Variants in ZNF536 observed in about 807,000 individuals in gnomAD.
ZNF536 encodes zinc finger protein 536.
Under a neutral mutation model 84.5 loss-of-function variants are expected in ZNF536, and 13 were observed. That is an observed-to-expected ratio of 0.15 (90% CI 0.10 to 0.24). ZNF536 has a LOEUF of 0.24. ZNF536 is among the 10% of genes least tolerant of loss of function. ZNF536 has a pLI of 1.00. For synonymous variants in ZNF536, 811 were observed against 742.5 expected (o/e 1.09, Z -1.50); for missense variants, 1,536 against 1,747.5 (o/e 0.88, Z 2.16).
chr19:30,612,942 C>A (rs1263715976), intron 1 of ZNF536, among the ~76,000 whole-genome samples: 1 of 152,218 alleles, frequency 6.6e-6, no homozygotes, highest in Non-Finnish European at 1.5e-5. Context: ...CCTCCTCCAA[C>A]GTGGGGCGGT....
chr19:30,263,242 G>T (rs895574626), intron 1 of ZNF536, among the ~76,000 whole-genome samples: 1 of 152,224 alleles, frequency 6.6e-6, no homozygotes, highest in African/African-American at 2.4e-5. Flanking sequence ...AGCTTCGGTT[G>T]CTTATGTGGA....
chr19:30,371,749 T>G (rs565315181), upstream of ZNF536, among the ~76,000 whole-genome samples: 1 of 151,606 alleles, frequency 6.6e-6, no homozygotes, highest in East Asian at 1.9e-4. Flanking sequence ...AGAGTCAAAT[T>G]AGAAAATAAA....
At chr19:30,485,270 C>A (rs1034710451) in intron 2 of ZNF536, among the ~76,000 whole-genome samples, 4 of 152,160 alleles carry the variant, frequency 2.6e-5, no homozygotes, top group Admixed American at 2.6e-4. Context: ...TCCTTCAAGC[C>A]TCTAGCTATT....
At chr19:30,633,221 G>A (rs1035789985) in intron 1 of ZNF536, among the ~76,000 whole-genome samples, 1 of 152,168 alleles carries the variant, frequency 6.6e-6, no homozygotes. Flanking sequence ...GCTGTCAAAC[G>A]CTTCCACAGG....
chr19:30,345,020 A>G lies in ZNF536; in HGVS notation c.-119-7348A>G, dbSNP rs116581567. Among the ~76,000 whole-genome samples the G allele has an allele frequency of 8.2e-3, 1,255 of 152,366 alleles. 18 individuals carry two copies. The highest frequency in any genetic ancestry group is 0.029 in the African/African-American group (1,222 of 41,594). ...TTAATATAGCATCAACAACAGCAAC[A>G]GCAACACAATAGCAGCTACTAACTC... is the stretch of plus-strand genomic sequence containing the variant. On this transcript the variant is annotated intron_variant, in intron 2 of 5. Coordinates refer to the ZNF536 transcript ENST00000585628.
Position 30,459,407 on chromosome 19 carries a change from A to G in ZNF536, c.2170+13675A>G, listed in dbSNP as rs574792340. ...TCCCTGTCACCCAGGCTGGAATGCC[A>G]TGGCTCCGTCTTGGCTCACTGCAAC... On this transcript the variant is annotated intron_variant, in intron 2 of 4. Coordinates refer to ENST00000355537, the MANE Select transcript of ZNF536 (RefSeq NM_014717.3). 1.6e-4 allele frequency among the ~76,000 whole-genome samples: 21 copies of G among 131,368 alleles called. No individual in the cohort carries two copies. In the East Asian group the frequency reaches 4.4e-3, roughly 28 times the overall value. 86.2% of individuals were successfully genotyped at this position (131,368 alleles called of 152,430 possible).
At chr19:30,287,189 GGATGGGAGGATGGATACATA>G (rs1349161722) in intron 2 of ZNF536, among the ~76,000 whole-genome samples, 2 of 150,468 alleles carry the variant, frequency 1.3e-5, no homozygotes, top group East Asian at 4.0e-4. Context: ...CTAGATGGAT[GGATGGGAGGATGGATACATA>G]GATGGGTGGA....
At chr19:30,674,535 T>C (rs1226535836) in intron 1 of ZNF536, among the ~76,000 whole-genome samples, 1 of 152,172 alleles carries the variant, frequency 6.6e-6, no homozygotes, top group Non-Finnish European at 1.5e-5. Context: ...AGGAAACCAA[T>C]GGAGTGTATG....
intron 1 of ZNF536, among the ~76,000 whole-genome samples, chr19:30,438,374 A>C (rs886914511): frequency 1.3e-5 from 2 of 152,242 alleles, no homozygotes; most frequent in Admixed American, 1.3e-4. Context: ...TTATAAAAAA[A>C]AATCCTAGAA....
At chr19:30,379,454 A>C (rs1307870391) in intron 1 of ZNF536, among the ~76,000 whole-genome samples, 1 of 151,878 alleles carries the variant, frequency 6.6e-6, no homozygotes, top group African/African-American at 2.4e-5. Context: ...CCAGTGCGTC[A>C]TGGGGGTGTG....
At chr19:30,700,238 TTC>T (rs141789281) in intron 1 of ZNF536, among the ~76,000 whole-genome samples, 1,941 of 97,738 alleles carry the variant, frequency 0.02, 32 homozygotes, top group Middle Eastern at 0.049. Context: ...CTTTCTTTCT[TTC>T]TCTCTCTCTC....
In ZNF536 at chr19:30,473,035, T is replaced by C. The variant is rs1204176220; in HGVS notation, c.2170+27303T>C. On this transcript the variant is annotated intron_variant, in intron 2 of 4. Transcript: ENST00000355537. ...GGTGTAAACCGATCTCTACTAAGAA[T>C]ACAAAAAAAAAAAAAAAAAAATTAG... is the stretch of plus-strand genomic sequence containing the variant. 1.9e-4 allele frequency among the ~76,000 whole-genome samples: 11 copies of C among 58,362 alleles called. No individual in the cohort carries two copies. The East Asian group carries it at 5.0e-3, about 27-fold the overall frequency. 38.3% of individuals were successfully genotyped at this position (58,362 alleles called of 152,430 possible).
Position 30,547,924 on chromosome 19 carries a change from T to G in ZNF536, c.2324-19T>G. The G allele has an allele frequency of 1.3e-6, 2 of 1,513,970 alleles. No homozygotes were observed. The highest frequency in any genetic ancestry group is 1.4e-5 in the South Asian group (1 of 74,040). 93.8% of individuals were successfully genotyped at this position (1,513,970 alleles called of 1,614,324 possible). On this transcript the variant is annotated intron_variant, in intron 3 of 4. Transcript: ENST00000355537. ...ATGAGATAAACGCCTCTTTTTTTTCTTATATCAAAATCTTGCAGGTGAGAA... is the reference window on the plus strand; with the variant it reads ...ATGAGATAAACGCCTCTTTTTTTTCGTATATCAAAATCTTGCAGGTGAGAA...
chr19:30,474,394 AG>A (rs1568466864), intron 2 of ZNF536, among the ~76,000 whole-genome samples: 1 of 151,880 alleles, frequency 6.6e-6, no homozygotes, highest in African/African-American at 2.4e-5. Context: ...AGCACTGTGT[AG>A]GGCTCCATAT....
intron 1 of ZNF536, among the ~76,000 whole-genome samples, chr19:30,240,325 A>T (rs2023848052): frequency 6.6e-6 from 1 of 151,924 alleles, no homozygotes; most frequent in South Asian, 2.1e-4. Context: ...GTGAGCCAAG[A>T]TCGTGTCACT....
At chr19:30,688,686 C>G (rs1473686119) in intron 1 of ZNF536, among the ~76,000 whole-genome samples, 1 of 152,192 alleles carries the variant, frequency 6.6e-6, no homozygotes, top group Non-Finnish European at 1.5e-5. Flanking sequence ...AATTTTCTTA[C>G]TACAGCTTTT....
chr19:30,609,895 TATCCATCCATCCATCCATCCATCC>T (rs202076068), intron 1 of ZNF536, among the ~76,000 whole-genome samples: 19,835 of 140,884 alleles, frequency 0.14, 1,362 homozygotes, highest in Admixed American at 0.19. Flanking sequence ...TCCACCCATT[TATCCATCCATCCATCCATCCATCC>T]ATCCATCCAT....
At chr19:30,365,495 A>C (rs2048399386) in intron 3 of ZNF536, among the ~76,000 whole-genome samples, 1 of 152,204 alleles carries the variant, frequency 6.6e-6, no homozygotes. Context: ...GGTGGGGGGA[A>C]GATGCTGCCC....
intron 2 of ZNF536, among the ~76,000 whole-genome samples, chr19:30,342,915 C>T (rs1283779721): frequency 6.6e-6 from 1 of 152,168 alleles, no homozygotes; most frequent in East Asian, 1.9e-4. Flanking sequence ...AGGTCAACAC[C>T]TGAACAGATA....
Sources: gnomAD v4.1 joint callset for allele counts (sites outside exome capture counted in the v4.1 genomes callset) on GRCh38, gnomAD v4.1.1 for gene constraint, MANE v1.5 for transcripts, NCBI Gene and HGNC (gene_info 2026-07-23, HGNC 2026-07-21) for gene names.